ROBO2: variants seen among roughly 807,000 people sequenced by gnomAD.
ROBO2 encodes the protein roundabout guidance receptor 2.
In ROBO2, 53 loss-of-function variants were observed where a neutral mutation model predicts 160.8. The ratio of observed to expected loss-of-function variants is 0.33; its 90% CI spans 0.26 to 0.41. The LOEUF (loss-of-function observed/expected upper bound fraction) is 0.41. Among genes scored for constraint, ROBO2 ranks in the 10% least tolerant of loss-of-function variants. The pLI is 1.00. For missense variants in ROBO2, 1,577 were observed against 1,722.4 expected (o/e 0.92, Z 1.49); for synonymous variants, 664 against 611.7 (o/e 1.09, Z -1.26).
chr3:76,456,884 C>G (rs557177076), intron 2 of ROBO2, among the ~76,000 whole-genome samples: 1 of 152,074 alleles, frequency 6.6e-6, no homozygotes, highest in Admixed American at 6.5e-5. Flanking sequence ...GGCAGAAACC[C>G]GTGATAAACC....
At position 76,714,833 on chromosome 3, in the gene ROBO2, G is replaced by C. The variant is rs774793439; in HGVS notation, c.110-383181G>C. ...TCCGATGTGAAATATAGAGACTTACGGTTCTGCCACAGAGTCTATTAACTG... is the reference window on the plus strand; with the variant it reads ...TCCGATGTGAAATATAGAGACTTACCGTTCTGCCACAGAGTCTATTAACTG... On this transcript the variant is annotated intron_variant, in intron 2 of 26. Transcript: ENST00000487694. Among the ~76,000 whole-genome samples the C allele has an allele frequency of 4.2e-4, 64 of 152,082 alleles. 1 individual carries two copies. The highest frequency in any genetic ancestry group is 6.8e-4 in the Non-Finnish European group (46 of 68,016).
At chr3:76,829,510 G>A (rs1371989575) in intron 2 of ROBO2, among the ~76,000 whole-genome samples, 2 of 151,670 alleles carry the variant, frequency 1.3e-5, no homozygotes, top group Non-Finnish European at 2.9e-5. Flanking sequence ...ATCCTCCCTT[G>A]CATGACACTC....
intron 1 of ROBO2, among the ~76,000 whole-genome samples, chr3:77,080,881 A>G (rs1424443878): frequency 6.6e-6 from 1 of 152,212 alleles, no homozygotes; most frequent in Non-Finnish European, 1.5e-5. Context: ...GGATATATTA[A>G]TCGGATTACA....
intron 2 of ROBO2, among the ~76,000 whole-genome samples, chr3:76,298,956 G>C (rs1293547429): frequency 6.6e-6 from 1 of 152,178 alleles, no homozygotes; most frequent in Non-Finnish European, 1.5e-5. Flanking sequence ...GTTCAAATCT[G>C]TAGATGTTAT....
In ROBO2 at chr3:77,322,780, A is replaced by T. The variant is rs1045647102; in HGVS notation, c.389-154634A>T. ...ATAATATATTATATTATACATATGTATTATAATATATTATGTAATATATTA... is the reference window on the plus strand; with the variant it reads ...ATAATATATTATATTATACATATGTTTTATAATATATTATGTAATATATTA... On this transcript the variant is annotated intron_variant, in intron 2 of 25. Coordinates refer to ENST00000461745, the Ensembl canonical transcript of ROBO2. Among the ~76,000 whole-genome samples the T allele has an allele frequency of 1.1e-4, 15 of 135,644 alleles. 1 individual carries two copies. Among genetic ancestry groups the T allele is most frequent in the African/African-American group, 2.2e-4 (8 of 36,590 alleles). 89.0% of individuals were successfully genotyped at this position (135,644 alleles called of 152,430 possible).
chr3:76,119,714 C>A (rs2070638366), intron 2 of ROBO2, among the ~76,000 whole-genome samples: 1 of 151,958 alleles, frequency 6.6e-6, no homozygotes, highest in Non-Finnish European at 1.5e-5. Context: ...AAATGACATT[C>A]AAAATAGGAA....
At chr3:76,911,900 T>A (rs140539508) in intron 2 of ROBO2, among the ~76,000 whole-genome samples, 9 of 151,966 alleles carry the variant, frequency 5.9e-5, no homozygotes, top group Non-Finnish European at 1.3e-4. Context: ...GCCCAGGAGG[T>A]CAGGGTTGCA....
chr3:76,377,965 G>A (rs1171441094), intron 2 of ROBO2, among the ~76,000 whole-genome samples: 1 of 152,080 alleles, frequency 6.6e-6, no homozygotes, highest in African/African-American at 2.4e-5. Flanking sequence ...GCACGTGTGT[G>A]ACTGAGTAGT....
intron 2 of ROBO2, among the ~76,000 whole-genome samples, chr3:77,180,416 C>CTCTCTCTCTCTCTCTCTCTATATATA (rs1433740534): frequency 3.3e-4 from 30 of 90,702 alleles, no homozygotes; most frequent in Non-Finnish European, 5.7e-4. Context: ...CTCTCTCTCT[C>CTCTCTCTCTCTCTCTCTCTATATATA]TATATATATA....
intron 16 of ROBO2, among the ~76,000 whole-genome samples, chr3:77,581,428 A>G (rs1046260571): frequency 3.4e-4 from 52 of 152,224 alleles, no homozygotes; most frequent in African/African-American, 1.1e-3. Context: ...TTATAATTTT[A>G]GCTTTTATGC....
chr3:77,018,520 T>C (rs1225908852), intron 2 of ROBO2, among the ~76,000 whole-genome samples: 3 of 152,214 alleles, frequency 2.0e-5, no homozygotes, highest in Non-Finnish European at 4.4e-5. Context: ...CTATATCCTC[T>C]TAACACAGTA....
At position 77,075,672 on chromosome 3, in the gene ROBO2, C is replaced by CTTTTTTTTTTTTTTTTTTTTTTTTTTTTT. The variant is rs1174587812; in HGVS notation, c.62-22319_62-22318insTTTTTTTTTTTTTTTTTTTTTTTTTTTTT. Reference sequence around the variant, plus strand: ...ATACACTACTATTTCTTTCTTTCTCCTTTTTTTTTTTTTTTTTTTTTTTGA... The same window carrying CTTTTTTTTTTTTTTTTTTTTTTTTTTTTT: ...ATACACTACTATTTCTTTCTTTCTCCTTTTTTTTTTTTTTTTTTTTTTTTTTTTTTTTTTTTTTTTTTTTTTTTTTTTGA... On this transcript the variant is annotated intron_variant, in intron 1 of 25. Transcript: ENST00000461745. 2.3e-5 allele frequency among the ~76,000 whole-genome samples: 2 copies of CTTTTTTTTTTTTTTTTTTTTTTTTTTTTT among 87,254 alleles called. 1 individual carries two copies. 57.2% of individuals were successfully genotyped at this position (87,254 alleles called of 152,430 possible).
chr3:77,369,970 A>C (rs2071490644), intron 2 of ROBO2, among the ~76,000 whole-genome samples: 1 of 152,208 alleles, frequency 6.6e-6, no homozygotes, highest in African/African-American at 2.4e-5. Context: ...AGCCATCTGC[A>C]GAGCCTCCTA....
At chr3:76,890,812 G>A (rs937009770) in intron 2 of ROBO2, among the ~76,000 whole-genome samples, 2 of 151,954 alleles carry the variant, frequency 1.3e-5, no homozygotes, top group African/African-American at 2.4e-5. Flanking sequence ...TCTACTGTTT[G>A]CTCCTCTTAT....
At chr3:76,775,908 G>C (rs564023978) in intron 2 of ROBO2, among the ~76,000 whole-genome samples, 4 of 150,820 alleles carry the variant, frequency 2.7e-5, no homozygotes, top group South Asian at 4.2e-4. Context: ...GATATATTGT[G>C]TATTGTCTAT....
intron 2 of ROBO2, among the ~76,000 whole-genome samples, chr3:76,882,194 T>G (rs1220950775): frequency 6.6e-6 from 1 of 151,718 alleles, no homozygotes; most frequent in African/African-American, 2.4e-5. Flanking sequence ...TTGTTTTGAT[T>G]TGGTGGTTGT....
At chr3:75,985,476 A>G (rs1399537847) in intron 2 of ROBO2, among the ~76,000 whole-genome samples, 1 of 151,590 alleles carries the variant, frequency 6.6e-6, no homozygotes, top group East Asian at 1.9e-4. Flanking sequence ...CAATGCATTG[A>G]TGCATTGTAC....
At chr3:76,543,495 A>C (rs534145117) in intron 2 of ROBO2, among the ~76,000 whole-genome samples, 1 of 152,264 alleles carries the variant, frequency 6.6e-6, no homozygotes, top group South Asian at 2.1e-4. Flanking sequence ...TTGTTCCTAC[A>C]TCTAACAGAA....
intron 2 of ROBO2, among the ~76,000 whole-genome samples, chr3:77,303,522 T>C (rs1443541887): frequency 3.3e-5 from 5 of 152,176 alleles, no homozygotes; most frequent in Non-Finnish European, 7.4e-5. Context: ...ATCTACTGTG[T>C]GGACTTATGA....
Sources: allele counts gnomAD v4.1 joint callset (sites outside exome capture counted in the v4.1 genomes callset), GRCh38; gene constraint gnomAD v4.1.1; transcripts MANE v1.5; gene names NCBI Gene and HGNC (gene_info 2026-07-23, HGNC 2026-07-21).